Variants in SUPT3H observed in about 807,000 individuals in gnomAD.
The protein encoded by SUPT3H is transcription initiation protein SPT3 homolog.
SUPT3H carries 44 observed loss-of-function variants against 44.3 expected under a neutral mutation model. The observed-to-expected ratio is 0.99, with a 90% CI of 0.78 to 1.28. The LOEUF (loss-of-function observed/expected upper bound fraction) is 1.28. Among genes scored for constraint, SUPT3H ranks in the 50% most tolerant of loss-of-function variants. The pLI is 0.00. For synonymous variants in SUPT3H, 124 were observed against 125.6 expected, an observed-to-expected ratio of 0.99 and a Z score of 0.09; for missense variants, 380 against 387.1, an observed-to-expected ratio of 0.98 and a Z score of 0.15.
At chr6:45,148,089 A>G (rs990483131) in intron 2 of SUPT3H, among the ~76,000 whole-genome samples, 1 of 152,288 alleles carries the variant, frequency 6.6e-6, no homozygotes, top group African/African-American at 2.4e-5. Flanking sequence ...TCTACAATAC[A>G]CTAAATCTAT....
chr6:45,032,396 A>C (rs1001810538), intron 3 of SUPT3H, among the ~76,000 whole-genome samples: 1 of 152,182 alleles, frequency 6.6e-6, no homozygotes, highest in Non-Finnish European at 1.5e-5. Context: ...TAATGTAGTA[A>C]AGACAAATAG....
At position 44,828,061 on chromosome 6, in the gene SUPT3H, A is replaced by ATACTT. The variant is rs1297307241; in HGVS notation, c.*1750_*1754dup. Among the ~76,000 whole-genome samples, 1 of 152,148 alleles carries ATACTT rather than the reference A, an allele frequency of 6.6e-6. No individual in the cohort carries two copies. Among genetic ancestry groups the ATACTT allele is most frequent in the Non-Finnish European group, 1.5e-5 (1 of 67,998 alleles). On this transcript the variant is annotated 3_prime_UTR_variant, in exon 11 of 11. Transcript: ENST00000371459. ...AAACCCTATATTTTCTGCCTTGTGC[A>ATACTT]TACTTTAAAATGTATAATGTGGGAG...
chr6:45,261,639 C>T (rs190482861), intron 2 of SUPT3H, among the ~76,000 whole-genome samples: 222 of 152,194 alleles, frequency 1.5e-3, no homozygotes, highest in African/African-American at 5.1e-3. Context: ...CAGGCAAAAG[C>T]TGGAAGCATT....
chr6:45,050,514 A>C (rs12529490), intron 3 of SUPT3H, among the ~76,000 whole-genome samples: 53,159 of 151,784 alleles, frequency 0.35, 10,202 homozygotes, highest in Non-Finnish European at 0.43. Context: ...GCAGGGAAAG[A>C]GAGGGAGGCA....
At position 45,043,720 on chromosome 6, in the gene SUPT3H, A is replaced by C. The variant is rs1377669890; in HGVS notation, c.187-23088T>G. ...TTAAAGGCTGAAAAAAAAGGAAAGAAATTCACAAATAAATATGATCTGATT... is the reference window on the plus strand; with the variant it reads ...TTAAAGGCTGAAAAAAAAGGAAAGACATTCACAAATAAATATGATCTGATT... On this transcript the variant is annotated intron_variant, in intron 3 of 10. Transcript: ENST00000371459. Among the ~76,000 whole-genome samples the C allele has an allele frequency of 3.9e-5, 6 of 152,294 alleles. No individual in the cohort carries two copies. The South Asian group carries it at 8.3e-4, about 21-fold the overall frequency.
intron 3 of SUPT3H, among the ~76,000 whole-genome samples, chr6:45,053,362 T>G (rs528716651): frequency 6.6e-6 from 1 of 152,146 alleles, no homozygotes; most frequent in East Asian, 1.9e-4. Context: ...GAATACCAAG[T>G]GTGGCTAACA....
At chr6:45,255,173 CTATATA>C (rs1272612719) in intron 2 of SUPT3H, among the ~76,000 whole-genome samples, 1 of 152,010 alleles carries the variant, frequency 6.6e-6, no homozygotes, top group Non-Finnish European at 1.5e-5. Context: ...GGAAAAAACA[CTATATA>C]TATAGAGAGA....
At chr6:45,286,052 G>C (rs1779194006) in intron 2 of SUPT3H, among the ~76,000 whole-genome samples, 1 of 145,302 alleles carries the variant, frequency 6.9e-6, no homozygotes, top group African/African-American at 2.6e-5. Context: ...TATGTAGAAA[G>C]CTGAAACTGG....
chr6:45,181,888 T>G (rs911511725), intron 2 of SUPT3H, among the ~76,000 whole-genome samples: 3 of 150,746 alleles, frequency 2.0e-5, no homozygotes, highest in African/African-American at 7.3e-5. Flanking sequence ...AATAAATAAA[T>G]AAATAAATAA....
chr6:45,128,557 T>TATATATATATATATATAC (rs1280920129), intron 2 of SUPT3H, among the ~76,000 whole-genome samples: 10 of 56,740 alleles, frequency 1.8e-4, no homozygotes, highest in Admixed American at 7.6e-4. Context: ...TATATATATA[T>TATATATATATATATATAC]ACACACACAC....
intron 2 of SUPT3H, among the ~76,000 whole-genome samples, chr6:45,347,078 A>G (rs892822820): frequency 6.6e-6 from 1 of 152,196 alleles, no homozygotes; most frequent in Non-Finnish European, 1.5e-5. Context: ...ACACATTTTA[A>G]ATAAAAATAC....
rs1407687853 is a variant in SUPT3H at position 45,017,624 on chromosome 6, T to A, written c.274-2733A>T. 4.6e-5 allele frequency among the ~76,000 whole-genome samples: 7 copies of A among 151,594 alleles called. No individual in the cohort carries two copies. The East Asian group carries it at 1.4e-3, about 29-fold the overall frequency. ...GGGAATCCTTTCCCCATTGCTTGTTTTTCTCAGGTTTGTCAAAGACCAGAT... is the reference window on the plus strand; with the variant it reads ...GGGAATCCTTTCCCCATTGCTTGTTATTCTCAGGTTTGTCAAAGACCAGAT... On this transcript the variant is annotated intron_variant, in intron 4 of 10. Coordinates refer to ENST00000371459, the MANE Select transcript of SUPT3H (RefSeq NM_003599.4).
chr6:45,337,888 A>G (rs940363376), intron 2 of SUPT3H, among the ~76,000 whole-genome samples: 2 of 151,984 alleles, frequency 1.3e-5, no homozygotes, highest in Non-Finnish European at 1.5e-5. Context: ...TTAGAGAAAA[A>G]GTATATTTAA....
At chr6:45,296,186 A>ACACACACACACACG (rs1781190040) in intron 2 of SUPT3H, among the ~76,000 whole-genome samples, 1 of 30,824 alleles carries the variant, frequency 3.2e-5, no homozygotes, top group Admixed American at 4.1e-4. Context: ...TACACATACT[A>ACACACACACACACG]CACACACACA....
intron 2 of SUPT3H, among the ~76,000 whole-genome samples, chr6:45,356,023 T>A (rs1208105330): frequency 6.6e-6 from 1 of 152,150 alleles, no homozygotes; most frequent in African/African-American, 2.4e-5. Context: ...GGTTGTAACG[T>A]AGTTGTTTTA....
intron 3 of SUPT3H, among the ~76,000 whole-genome samples, chr6:45,096,433 T>G (rs573478381): frequency 6.6e-6 from 1 of 152,254 alleles, no homozygotes; most frequent in East Asian, 1.9e-4. Flanking sequence ...GTACATAAAC[T>G]TCAGGGAAAA....
rs140575419 is a variant in SUPT3H, at chr6:45,239,793, T to C, written c.101+125408A>G. ...TATTAAACACATTACTGGCATCCCATATAATTCTCAAGGACAAGCCATTGT... is the reference window on the plus strand; with the variant it reads ...TATTAAACACATTACTGGCATCCCACATAATTCTCAAGGACAAGCCATTGT... On this transcript the variant is annotated intron_variant, in intron 2 of 10. Coordinates refer to ENST00000371459, the MANE Select transcript of SUPT3H (RefSeq NM_003599.4). 2.3e-3 allele frequency among the ~76,000 whole-genome samples: 343 copies of C among 152,360 alleles called. 2 individuals are homozygous for C. The highest frequency in any genetic ancestry group is 8.0e-3 in the African/African-American group (333 of 41,588).
chr6:44,914,850 C>T (rs548576052), intron 10 of SUPT3H, among the ~76,000 whole-genome samples: 1 of 152,294 alleles, frequency 6.6e-6, no homozygotes, highest in East Asian at 1.9e-4. Flanking sequence ...CCTGAGGATA[C>T]AGGTCCTCAC....
intron 2 of SUPT3H, among the ~76,000 whole-genome samples, chr6:45,130,595 C>T (rs948091159): frequency 5.5e-5 from 8 of 145,982 alleles, no homozygotes; most frequent in Admixed American, 2.8e-4. Context: ...AAATTCTCAT[C>T]GTATGAAGTA....
Sources: allele counts gnomAD v4.1 joint callset (sites outside exome capture counted in the v4.1 genomes callset), GRCh38; gene constraint gnomAD v4.1.1; transcripts MANE v1.5; gene names NCBI Gene and HGNC (gene_info 2026-07-23, HGNC 2026-07-21).